The following OSGIN2 variants were observed in gnomAD, a reference collection of about 807,000 sequenced individuals.
OSGIN2 encodes the protein oxidative stress induced growth inhibitor family member 2.
A neutral mutation model predicts 53.8 loss-of-function variants in OSGIN2; 19 were observed. That is an observed-to-expected ratio of 0.35 (90% confidence interval 0.25 to 0.52). OSGIN2 has a LOEUF of 0.52. OSGIN2 is among the 20% of genes least tolerant of loss of function. The probability of loss-of-function intolerance (pLI) is 0.95; values close to 1 mark genes in which losing one functional copy is unlikely to be tolerated. For missense variants in OSGIN2, 520 were observed against 662.7 expected (o/e 0.78, Z 2.36); for synonymous variants, 236 against 236.0 (o/e 1.00, Z 0.00).
chr8:89,912,104 G>T (rs1458872170), intron 2 of OSGIN2, among the ~76,000 whole-genome samples: 1 of 151,978 alleles, frequency 6.6e-6, no homozygotes, highest in Non-Finnish European at 1.5e-5. Flanking sequence ...TTTATTTGGG[G>T]TAACATATTA....
chr8:89,902,741 G>A lies in OSGIN2; in HGVS notation c.-53G>A. 3 of 1,109,524 alleles carry A rather than the reference G, an allele frequency of 2.7e-6. No homozygotes were observed. Among genetic ancestry groups the A allele is most frequent in the East Asian group, 4.0e-5 (1 of 24,724 alleles). The allele number at this position is 1,109,524 out of a possible 1,614,324, so 68.7% of individuals were successfully genotyped here. On this transcript the variant is annotated 5_prime_UTR_variant, in exon 1 of 6. Coordinates refer to ENST00000451899, the MANE Select transcript of OSGIN2 (RefSeq NM_001126111.3). ...CCCCGAGCGGGCAGCCTCGCCGGGG[G>A]AGGCGGAGGCGGCCACGGCGGCCGC...
chr8:89,904,039 C>A (rs1332290843), intron 1 of OSGIN2, among the ~76,000 whole-genome samples: 1 of 152,168 alleles, frequency 6.6e-6, no homozygotes, highest in Admixed American at 6.5e-5. Flanking sequence ...CAGCGATAAT[C>A]CAAGCTTGTC....
intron 3 of OSGIN2, 96 bp from the exon 4 acceptor site, chr8:89,914,459 T>C (rs1809036094): frequency 1.1e-6 from 1 of 925,580 alleles, no homozygotes; most frequent in Admixed American, 2.6e-5. Flanking sequence ...TTGGGGGTAC[T>C]GCTTTTTATC....
In OSGIN2 at chr8:89,924,916, T is replaced by C. The variant is rs1210046303; in HGVS notation, c.1034T>C (p.Val345Ala). The C allele has an allele frequency of 6.2e-7, 1 of 1,614,064 alleles. No individual in the cohort carries two copies. Among genetic ancestry groups the C allele is most frequent in the Non-Finnish European group, 8.5e-7 (1 of 1,180,026 alleles). Residue 345 changes from valine to alanine, a missense_variant, in exon 6 of 6, where the codon GTG (valine) becomes GCG (alanine). Physicochemically the swap from Val to Ala is moderately conservative, Grantham distance 64. Transcript: ENST00000451899. ...AINKGKLRGK[V>A]DPVLIVGSGL... ...AACAAAGGAAAGTTGCGTGGCAAAG[T>C]GGATCCAGTGTTAATTGTAGGTTCT...
Position 89,924,810 on chromosome 8 carries a change from G to T in OSGIN2, c.928G>T (p.Asp310Tyr), listed in dbSNP as rs371629339. 2.2e-5 allele frequency: 36 copies of T among 1,614,044 alleles called. No individual in the cohort carries two copies. The highest frequency in any genetic ancestry group is 2.9e-5 in the Non-Finnish European group (34 of 1,180,020). The change falls in exon 6 of 6, where the codon GAT (aspartate) becomes TAT (tyrosine). Residue 310 changes from aspartate to tyrosine, a missense_variant. By Grantham distance (160) the Asp-to-Tyr change is radical. Coordinates refer to ENST00000451899, the MANE Select transcript of OSGIN2 (RefSeq NM_001126111.3). ...TGTAGCGCTGGCAACTGGAACGCTG[G>T]ATTCTCCTGCCCATCTGGAAATTGA... Reference protein sequence around the residue: ...ENVALATGTLDSPAHLEIEGE... With the variant: ...ENVALATGTLYSPAHLEIEGE...
intron 3 of OSGIN2, 24 bp downstream of exon 3, chr8:89,914,237 T>A (rs1563470006): frequency 6.5e-7 from 1 of 1,546,066 alleles, no homozygotes; most frequent in Non-Finnish European, 8.8e-7. Flanking sequence ...CATGTCAATT[T>A]AAAAAATTTT....
intron 1 of OSGIN2, among the ~76,000 whole-genome samples, chr8:89,909,275 C>G (rs1161473834): frequency 6.6e-6 from 1 of 151,642 alleles, no homozygotes; most frequent in Non-Finnish European, 1.5e-5. Flanking sequence ...ATGAACTCCT[C>G]AACACCATGC....
chr8:89,905,836 C>T (rs367716303), intron 1 of OSGIN2, among the ~76,000 whole-genome samples: 5 of 152,176 alleles, frequency 3.3e-5, no homozygotes, highest in Non-Finnish European at 5.9e-5. Flanking sequence ...ATAAATTCAA[C>T]GGTGTTGCAG....
At position 89,925,596 on chromosome 8, in the gene OSGIN2, A is replaced by C. The variant is rs1809308813; in HGVS notation, c.*64A>C. 1.1e-5 allele frequency: 15 copies of C among 1,320,686 alleles called. No individual in the cohort carries two copies. Among genetic ancestry groups the C allele is most frequent in the Non-Finnish European group, 1.4e-5 (13 of 954,834 alleles). 81.8% of individuals were successfully genotyped at this position (1,320,686 alleles called of 1,614,324 possible). A position where few individuals can be genotyped will look rare whatever the true frequency, so the allele number is the denominator to read the frequency against. On this transcript the variant is annotated 3_prime_UTR_variant, in exon 6 of 6. Coordinates refer to ENST00000451899, the MANE Select transcript of OSGIN2 (RefSeq NM_001126111.3). The stretch of plus-strand genomic sequence containing the variant: ...TAAAGATTTTTAATAGTGGTTTTGC[A>C]GTGTACTGGCTTGAATTTTCTGGAC...
chr8:89,914,323 A>G (rs1258391031), intron 3 of OSGIN2, 110 bp downstream of exon 3: 13 of 744,892 alleles, frequency 1.7e-5, no homozygotes, highest in Admixed American at 9.3e-5. Flanking sequence ...ATAACACCTT[A>G]TATCATTTTT....
intron 5 of OSGIN2, among the ~76,000 whole-genome samples, chr8:89,923,175 C>G (rs1809244642): frequency 6.6e-6 from 1 of 152,084 alleles, no homozygotes; most frequent in Non-Finnish European, 1.5e-5. Flanking sequence ...TTAGGGTACA[C>G]TGAATTTCTT....
chr8:89,911,032 G>A (rs567176508), intron 2 of OSGIN2, among the ~76,000 whole-genome samples: 3 of 152,276 alleles, frequency 2.0e-5, no homozygotes, highest in African/African-American at 7.2e-5. Context: ...TTCAACATGG[G>A]TCTTCCTGGG....
chr8:89,905,605 T>C (rs910946237), intron 1 of OSGIN2, among the ~76,000 whole-genome samples: 4 of 152,256 alleles, frequency 2.6e-5, no homozygotes, highest in South Asian at 2.1e-4. Flanking sequence ...TCCGTTTTTG[T>C]TTCCTTGTTT....
At chr8:89,903,296 A>G (rs997380732) in intron 1 of OSGIN2, among the ~76,000 whole-genome samples, 2 of 152,258 alleles carry the variant, frequency 1.3e-5, no homozygotes, top group African/African-American at 2.4e-5. Context: ...GATGTTAGCC[A>G]TGGTAAGACG....
At position 89,924,791 on chromosome 8, in the gene OSGIN2, G is replaced by A. The variant is rs762711898; in HGVS notation, c.909G>A (p.Ala303=). The A allele has an allele frequency of 1.7e-5, 27 of 1,614,030 alleles. No homozygotes were observed. The highest frequency in any genetic ancestry group is 1.1e-4 in the East Asian group (5 of 44,894). The part of the protein sequence containing the change: ...VPFCLFAENV[A]LATGTLDSPA... ...TCTGCCTCTTTGCTGAGAATGTAGC[G>A]CTGGCAACTGGAACGCTGGATTCTC... The change falls in exon 6 of 6, where the codon GCG becomes GCA. Residue 303 remains alanine, a synonymous_variant. Coordinates refer to ENST00000451899, the MANE Select transcript of OSGIN2 (RefSeq NM_001126111.3).
At chr8:89,905,190 T>C (rs1808811253) in intron 1 of OSGIN2, among the ~76,000 whole-genome samples, 2 of 152,266 alleles carry the variant, frequency 1.3e-5, no homozygotes, top group African/African-American at 4.8e-5. Flanking sequence ...AACTTTGTGC[T>C]GTAATGTTTC....
chr8:89,924,658 A>AC lies in OSGIN2; in HGVS notation c.777dup (p.Arg260GlnfsTer23). 6.2e-7 allele frequency: 1 copy of AC among 1,614,142 alleles called. No homozygotes were observed. The highest frequency in any genetic ancestry group is 8.5e-7 in the Non-Finnish European group (1 of 1,179,964). On this transcript the variant is annotated frameshift_variant, in exon 6 of 6. Coordinates refer to ENST00000451899, the MANE Select transcript of OSGIN2 (RefSeq NM_001126111.3). LOFTEE classifies it high-confidence loss of function. Reference sequence around the variant, plus strand: ...GATCAAGATGATGATGATATTCAAGACAGAGATATTTCAACAAAGCATTTA... The same window carrying AC: ...GATCAAGATGATGATGATATTCAAGACCAGAGATATTTCAACAAAGCATTTA...
rs1586013996 is a variant in OSGIN2, at chr8:89,927,618, G to A, written c.*2086G>A. On this transcript the variant is annotated 3_prime_UTR_variant, in exon 6 of 6. Transcript: ENST00000451899. The stretch of plus-strand genomic sequence containing the variant: ...CTTATCCCTCGATGCCTGGCTTGGT[G>A]TCTGGCAAACAGTCCATAATTAGCA... 6.6e-6 allele frequency: 1 copy of A among 152,198 alleles called. No individual in the cohort carries two copies. The highest frequency in any genetic ancestry group is 1.9e-4 in the East Asian group (1 of 5,198). 9.4% of individuals were successfully genotyped at this position (152,198 alleles called of 1,614,324 possible).
At chr8:89,922,565 G>A (rs1387107726) in intron 5 of OSGIN2, among the ~76,000 whole-genome samples, 1 of 152,168 alleles carries the variant, frequency 6.6e-6, no homozygotes, top group Non-Finnish European at 1.5e-5. Flanking sequence ...GATAAATTTA[G>A]GTTTAGTTGC....
Sources: gnomAD v4.1 joint callset for allele counts (sites outside exome capture counted in the v4.1 genomes callset) on GRCh38, gnomAD v4.1.1 for gene constraint, MANE v1.5 for transcripts, NCBI Gene and HGNC (gene_info 2026-07-23, HGNC 2026-07-21) for gene names.